The following RALYL variants were observed in gnomAD, a reference collection of about 807,000 sequenced individuals.
The protein encoded by RALYL is RALY RNA binding protein like.
RALYL carries 29 observed loss-of-function variants against 35.1 expected under a neutral mutation model. The ratio of observed to expected loss-of-function variants is 0.83; its 90% CI spans 0.61 to 1.13. RALYL has a LOEUF of 1.13. Ranked by LOEUF, RALYL falls within the 50% of genes most tolerant of loss-of-function variation. The pLI, the probability that RALYL is intolerant of heterozygous loss-of-function variation, is 0.00. For synonymous variants in RALYL, 120 were observed against 127.6 expected (o/e 0.94, Z 0.40); for missense variants, 359 against 360.4 (o/e 1.00, Z 0.03).
At chr8:84,534,974 G>A (rs766197171) in intron 2 of RALYL, among the ~76,000 whole-genome samples, 2 of 152,054 alleles carry the variant, frequency 1.3e-5, no homozygotes, top group African/African-American at 2.4e-5. Flanking sequence ...TAGAGTGAAG[G>A]ATATATTGGT....
At chr8:84,701,488 C>G (rs1234274235) in intron 2 of RALYL, among the ~76,000 whole-genome samples, 1 of 152,116 alleles carries the variant, frequency 6.6e-6, no homozygotes, top group Non-Finnish European at 1.5e-5. Flanking sequence ...AGTGTCTTGA[C>G]AAAATACTTA....
chr8:84,677,321 A>T (rs1834419187), intron 2 of RALYL, among the ~76,000 whole-genome samples: 1 of 152,248 alleles, frequency 6.6e-6, no homozygotes, highest in South Asian at 2.1e-4. Context: ...TATTTTGAAT[A>T]ACATGGTTCA....
intron 1 of RALYL, among the ~76,000 whole-genome samples, chr8:84,476,264 T>G (rs910969260): frequency 6.6e-6 from 1 of 152,188 alleles, no homozygotes; most frequent in Admixed American, 6.6e-5. Context: ...ATTCATTATA[T>G]CTATATCAAG....
At chr8:84,503,397 A>T (rs1280677772) in intron 1 of RALYL, among the ~76,000 whole-genome samples, 2 of 150,202 alleles carry the variant, frequency 1.3e-5, no homozygotes, top group Non-Finnish European at 3.0e-5. Flanking sequence ...GCTTAAAGGG[A>T]TCTTCCCACC....
At chr8:84,759,022 C>T (rs1418401459) in intron 2 of RALYL, among the ~76,000 whole-genome samples, 1 of 152,102 alleles carries the variant, frequency 6.6e-6, no homozygotes, top group Non-Finnish European at 1.5e-5. Flanking sequence ...TTCTGGCAGC[C>T]TCCTGTATTC....
intron 1 of RALYL, among the ~76,000 whole-genome samples, chr8:84,388,623 G>C (rs967697083): frequency 8.6e-5 from 13 of 152,034 alleles, no homozygotes; most frequent in African/African-American, 3.1e-4. Flanking sequence ...GTGTTTTTTG[G>C]CTGCATAAAT....
intron 1 of RALYL, among the ~76,000 whole-genome samples, chr8:84,249,374 C>A (rs1829742771): frequency 6.6e-6 from 1 of 152,044 alleles, no homozygotes; most frequent in Non-Finnish European, 1.5e-5. Context: ...ATGTTTAGAC[C>A]TGACCTATCT....
intron 4 of RALYL, among the ~76,000 whole-genome samples, chr8:84,813,913 C>G (rs541720303): frequency 7.7e-6 from 1 of 130,490 alleles, no homozygotes; most frequent in African/African-American, 2.8e-5. Flanking sequence ...CCCCACCCCA[C>G]GACAGGCCCC....
At chr8:84,555,104 C>T (rs2061012113) in intron 2 of RALYL, among the ~76,000 whole-genome samples, 1 of 152,130 alleles carries the variant, frequency 6.6e-6, no homozygotes. Context: ...CATGGTGAAA[C>T]CCCACCTCTA....
intron 1 of RALYL, among the ~76,000 whole-genome samples, chr8:84,257,634 T>C (rs1831442632): frequency 6.6e-6 from 1 of 152,032 alleles, no homozygotes; most frequent in Non-Finnish European, 1.5e-5. Flanking sequence ...TCATGCCTGG[T>C]TTGTGGCCAG....
chr8:84,799,610 G>T (rs953384346), intron 3 of RALYL, among the ~76,000 whole-genome samples: 1 of 152,160 alleles, frequency 6.6e-6, no homozygotes, highest in Non-Finnish European at 1.5e-5. Flanking sequence ...TTTTAGTTTG[G>T]TCACCTAAGT....
At chr8:84,404,932 C>T (rs938784813) in intron 1 of RALYL, among the ~76,000 whole-genome samples, 3 of 152,158 alleles carry the variant, frequency 2.0e-5, no homozygotes, top group Admixed American at 2.0e-4. Flanking sequence ...CACAACATAA[C>T]ACTTATTCTA....
intron 4 of RALYL, among the ~76,000 whole-genome samples, chr8:84,840,010 G>T (rs1832866568): frequency 1.3e-5 from 2 of 152,138 alleles, no homozygotes; most frequent in Non-Finnish European, 1.5e-5. Context: ...AAACCACAAA[G>T]ATGGGGAAAA....
At chr8:84,341,063 G>A (rs933863956) in intron 1 of RALYL, among the ~76,000 whole-genome samples, 1 of 151,500 alleles carries the variant, frequency 6.6e-6, no homozygotes, top group Non-Finnish European at 1.5e-5. Context: ...CTAATGATTA[G>A]TGGTATGGAG....
At chr8:84,575,404 C>A (rs979985527) in intron 2 of RALYL, among the ~76,000 whole-genome samples, 4 of 152,104 alleles carry the variant, frequency 2.6e-5, no homozygotes, top group Non-Finnish European at 4.4e-5. Flanking sequence ...CAGTATAAAT[C>A]TTTTGCTTTA....
chr8:84,502,655 G>A (rs1276845597), intron 1 of RALYL, among the ~76,000 whole-genome samples: 1 of 151,922 alleles, frequency 6.6e-6, no homozygotes, highest in East Asian at 1.9e-4. Context: ...CTTCCTGTGT[G>A]TTTTCAGTTT....
chr8:84,463,780 T>TA (rs1429117014), intron 1 of RALYL, among the ~76,000 whole-genome samples: 8 of 152,098 alleles, frequency 5.3e-5, no homozygotes, highest in African/African-American at 1.4e-4. Flanking sequence ...TTACATACCT[T>TA]AAAAAATCAC....
chr8:84,847,736 C>A (rs1240225571), intron 4 of RALYL, among the ~76,000 whole-genome samples: 1 of 152,168 alleles, frequency 6.6e-6, no homozygotes, highest in Admixed American at 6.5e-5. Context: ...GTCTCATTGT[C>A]CCCTTGGTTT....
chr8:84,711,031 C>A (rs1414588410), intron 2 of RALYL, among the ~76,000 whole-genome samples: 3 of 152,014 alleles, frequency 2.0e-5, no homozygotes, highest in African/African-American at 2.4e-5. Flanking sequence ...AAGCCACTTA[C>A]TAAGGGGACA....
Sources: gnomAD v4.1 joint callset for allele counts (sites outside exome capture counted in the v4.1 genomes callset) on GRCh38, gnomAD v4.1.1 for gene constraint, MANE v1.5 for transcripts, NCBI Gene and HGNC (gene_info 2026-07-23, HGNC 2026-07-21) for gene names.